The following ERICH1 variants were observed in gnomAD, a reference collection of about 807,000 sequenced individuals.
The protein encoded by ERICH1 is glutamate rich 1.
A neutral mutation model predicts 39.6 loss-of-function variants in ERICH1; 56 were observed. The ratio of observed to expected loss-of-function variants is 1.41; its 90% confidence interval spans 1.14 to 1.77. The LOEUF (loss-of-function observed/expected upper bound fraction) is 1.77, where lower values mean the gene tolerates loss of function less well. Ranked by LOEUF, ERICH1 falls within the 40% of genes most tolerant of loss-of-function variation. The probability of loss-of-function intolerance (pLI) is 0.00; values close to 1 mark genes in which losing one functional copy is unlikely to be tolerated. For missense variants in ERICH1, 826 were observed against 575.4 expected (o/e 1.44, Z -4.45); for synonymous variants, 313 against 223.6 (o/e 1.40, Z -3.57).
At chr8:637,352 G>T (rs370475312) in intron 3 of ERICH1, among the ~76,000 whole-genome samples, 18 of 152,208 alleles carry the variant, frequency 1.2e-4, no homozygotes, top group Admixed American at 1.2e-3. Flanking sequence ...TGATTCTGCG[G>T]CTCCTGGGCT....
At chr8:716,252 A>G (rs1815971084) in intron 1 of ERICH1, among the ~76,000 whole-genome samples, 1 of 152,162 alleles carries the variant, frequency 6.6e-6, no homozygotes, top group Admixed American at 6.5e-5. Context: ...CCCTCTCTCC[A>G]GGGCATCACC....
At chr8:658,680 C>G (rs1317797997) in intron 3 of ERICH1, among the ~76,000 whole-genome samples, 1 of 152,154 alleles carries the variant, frequency 6.6e-6, no homozygotes, top group Middle Eastern at 3.2e-3. Flanking sequence ...CCCAATCGGA[C>G]AAGAGGAGGA....
intron 4 of ERICH1, among the ~76,000 whole-genome samples, chr8:670,845 C>G (rs1803137507): frequency 6.6e-6 from 1 of 152,080 alleles, no homozygotes; most frequent in Admixed American, 6.5e-5. Flanking sequence ...TCTGAACCCA[C>G]TGGCCCCTGC....
intron 4 of ERICH1, among the ~76,000 whole-genome samples, chr8:670,674 T>C (rs965880592): frequency 4.6e-5 from 7 of 152,186 alleles, no homozygotes; most frequent in Non-Finnish European, 7.4e-5. Context: ...TGGCTTCTCA[T>C]CTTCCACCCA....
chr8:695,870 A>G (rs974229501), intron 2 of ERICH1, among the ~76,000 whole-genome samples: 487 of 51,420 alleles, frequency 9.5e-3, no homozygotes, highest in Non-Finnish European at 0.014. Context: ...CGCTCCTCTC[A>G]CCCTCCACTC....
At position 623,561 on chromosome 8, in the gene ERICH1, T is replaced by C. The variant is rs1340378006; in HGVS notation, c.977-8277A>G. Among the ~76,000 whole-genome samples the C allele has an allele frequency of 3.3e-5, 5 of 152,226 alleles. 1 individual carries two copies. The South Asian group carries it at 1.0e-3, about 32-fold the overall frequency. ...ATATTTAGGTTATACAATAGGATGT[T>C]TTCATATATGTGTAGATTGTGAAAT... On this transcript the variant is annotated intron_variant, in intron 3 of 3. Coordinates refer to the ERICH1 transcript ENST00000522706.
At chr8:694,845 G>A (rs1014448378) in intron 2 of ERICH1, among the ~76,000 whole-genome samples, 5 of 152,134 alleles carry the variant, frequency 3.3e-5, no homozygotes, top group Admixed American at 6.5e-5. Context: ...TGGGGTGGGC[G>A]GCAGCGAGAG....
At chr8:681,305 A>C (rs1312694654) in intron 3 of ERICH1, among the ~76,000 whole-genome samples, 1 of 152,200 alleles carries the variant, frequency 6.6e-6, no homozygotes, top group Non-Finnish European at 1.5e-5. Context: ...GGAGCACTGT[A>C]AAAAATAGCT....
At chr8:627,195 A>T (rs1405202195) in intron 3 of ERICH1, 1 of 456,224 alleles carries the variant, frequency 2.2e-6, no homozygotes, top group South Asian at 1.5e-5. Context: ...GTGCTGTGTG[A>T]CCTGTACCAT....
At chr8:678,062 G>A (rs891075046) in intron 3 of ERICH1, among the ~76,000 whole-genome samples, 2 of 151,858 alleles carry the variant, frequency 1.3e-5, no homozygotes, top group Admixed American at 6.6e-5. Context: ...GGTGAAGGAG[G>A]CAAAAAGGCC....
At chr8:720,444 A>C (rs1817043921) in intron 1 of ERICH1, among the ~76,000 whole-genome samples, 1 of 152,238 alleles carries the variant, frequency 6.6e-6, no homozygotes, top group Non-Finnish European at 1.5e-5. Context: ...AGAGCATGCA[A>C]CTACTTAAGA....
chr8:710,321 G>A (rs1479399059), intron 2 of ERICH1, among the ~76,000 whole-genome samples: 1 of 147,436 alleles, frequency 6.8e-6, no homozygotes, highest in East Asian at 2.1e-4. Flanking sequence ...CGTCCTGCAA[G>A]TCCTCTGGGC....
intron 3 of ERICH1, among the ~76,000 whole-genome samples, chr8:684,981 C>CA (rs541355903): frequency 6.4e-4 from 97 of 152,340 alleles, no homozygotes; most frequent in African/African-American, 2.1e-3. Context: ...TTCCACTGTG[C>CA]ATACATTGTC....
At chr8:708,681 GTTTTTTTTTTTTTTTTTTTTT>G (rs139731216) in intron 2 of ERICH1, among the ~76,000 whole-genome samples, 1 of 65,816 alleles carries the variant, frequency 1.5e-5, no homozygotes, top group Non-Finnish European at 3.0e-5. Flanking sequence ...GGGATAATGA[GTTTTTTTTTTTTTTTTTTTTT>G]TTTTTTTTTG....
downstream of ERICH1, among the ~76,000 whole-genome samples, chr8:661,285 GC>G (rs375778809): frequency 1.3e-5 from 2 of 152,258 alleles, no homozygotes; most frequent in African/African-American, 4.8e-5. Flanking sequence ...GACCCTGTGG[GC>G]CCTGGAGTCT....
At chr8:691,950 T>C (rs1221004580) in intron 3 of ERICH1, among the ~76,000 whole-genome samples, 1 of 152,230 alleles carries the variant, frequency 6.6e-6, no homozygotes, top group African/African-American at 2.4e-5. Context: ...AGCTTTTCCA[T>C]GCTCAACAGT....
At chr8:643,039 G>T (rs1050888198) in intron 3 of ERICH1, among the ~76,000 whole-genome samples, 1 of 152,164 alleles carries the variant, frequency 6.6e-6, no homozygotes, top group Non-Finnish European at 1.5e-5. Flanking sequence ...GCTACTGGAA[G>T]AGTCCTGTCA....
intron 3 of ERICH1, among the ~76,000 whole-genome samples, chr8:682,781 T>C (rs546556700): frequency 2.0e-5 from 3 of 152,232 alleles, no homozygotes; most frequent in African/African-American, 4.8e-5. Context: ...AGTCTTCAGA[T>C]TCTAATTCTC....
intron 2 of ERICH1, among the ~76,000 whole-genome samples, chr8:704,024 GC>G (rs1812730089): frequency 1.3e-5 from 2 of 152,156 alleles, no homozygotes; most frequent in South Asian, 4.1e-4. Flanking sequence ...ACTGCTCATA[GC>G]CACAGGAATC....
Sources: gnomAD v4.1 joint callset for allele counts (sites outside exome capture counted in the v4.1 genomes callset) on GRCh38, gnomAD v4.1.1 for gene constraint, MANE v1.5 for transcripts, NCBI Gene and HGNC (gene_info 2026-07-23, HGNC 2026-07-21) for gene names.